VWC2L: variants seen among roughly 807,000 people sequenced by gnomAD.
VWC2L encodes von Willebrand factor C domain-containing protein 2-like.
A neutral mutation model predicts 21.6 loss-of-function variants in VWC2L; 10 were observed. The observed-to-expected ratio is 0.46, with a 90% CI of 0.29 to 0.78. The LOEUF is 0.78. Among genes scored for constraint, VWC2L ranks in the 30% least tolerant of loss-of-function variants. VWC2L has a pLI of 0.10. For synonymous variants in VWC2L, 96 were observed against 94.3 expected, an observed-to-expected ratio of 1.02 and a Z score of -0.10; for missense variants, 209 against 277.1, an observed-to-expected ratio of 0.75 and a Z score of 1.74.
At chr2:214,441,657 C>T (rs922767746) in intron 3 of VWC2L, among the ~76,000 whole-genome samples, 7 of 151,862 alleles carry the variant, frequency 4.6e-5, no homozygotes, top group Admixed American at 2.0e-4. Context: ...AAATTTTCAC[C>T]CCATTTTGAG....
At chr2:214,487,085 A>G (rs1328313676) in intron 3 of VWC2L, among the ~76,000 whole-genome samples, 1 of 152,238 alleles carries the variant, frequency 6.6e-6, no homozygotes, top group Non-Finnish European at 1.5e-5. Flanking sequence ...AATGTCTTCC[A>G]TGTGAAGACA....
intron 3 of VWC2L, among the ~76,000 whole-genome samples, chr2:214,490,168 A>G (rs760345169): frequency 3.9e-5 from 6 of 152,196 alleles, no homozygotes; most frequent in Non-Finnish European, 5.9e-5. Context: ...GATGCAGCCA[A>G]GCTCCAAGAA....
intron 3 of VWC2L, among the ~76,000 whole-genome samples, chr2:214,463,954 T>G (rs1703180035): frequency 6.6e-6 from 1 of 152,110 alleles, no homozygotes; most frequent in Admixed American, 6.5e-5. Flanking sequence ...CATTCTTCAA[T>G]ATGTCAGTTG....
chr2:214,451,711 T>C (rs944728932), intron 3 of VWC2L, among the ~76,000 whole-genome samples: 33 of 152,180 alleles, frequency 2.2e-4, no homozygotes, highest in African/African-American at 8.0e-4. Flanking sequence ...AGATGAATAA[T>C]GGTTGCTAAT....
chr2:214,560,830 A>C (rs936660729), intron 3 of VWC2L, among the ~76,000 whole-genome samples: 24 of 152,206 alleles, frequency 1.6e-4, no homozygotes, highest in African/African-American at 5.8e-4. Flanking sequence ...TCAAAGAAAC[A>C]CAATAATGAC....
intron 3 of VWC2L, among the ~76,000 whole-genome samples, chr2:214,527,766 A>G (rs1689367013): frequency 1.3e-5 from 2 of 152,162 alleles, no homozygotes. Flanking sequence ...TTATTGCCTC[A>G]AAGTACCAAT....
rs76905796 is a variant in VWC2L at position 214,469,866 on chromosome 2, C to T, written c.520+33108C>T. 6.7e-3 allele frequency among the ~76,000 whole-genome samples: 1,015 copies of T among 152,104 alleles called. 9 individuals carry two copies. Among genetic ancestry groups the T allele is most frequent in the African/African-American group, 0.023 (967 of 41,496 alleles). On this transcript the variant is annotated intron_variant, in intron 3 of 3. Coordinates refer to ENST00000312504, the MANE Select transcript of VWC2L (RefSeq NM_001080500.4). Reference sequence around the variant, plus strand: ...AATCTTGGCTGTATGAATGAATACTCGTGATATGATTTTTCTTTATGGCAT... The same window carrying T: ...AATCTTGGCTGTATGAATGAATACTTGTGATATGATTTTTCTTTATGGCAT...
At chr2:214,478,733 A>C (rs1043269383) in intron 3 of VWC2L, among the ~76,000 whole-genome samples, 1 of 151,884 alleles carries the variant, frequency 6.6e-6, no homozygotes, top group African/African-American at 2.4e-5. Flanking sequence ...TGCCTTAAAT[A>C]CTCAATCCCC....
At chr2:214,433,796 A>G (rs1199698103) in intron 2 of VWC2L, among the ~76,000 whole-genome samples, 1 of 152,178 alleles carries the variant, frequency 6.6e-6, no homozygotes, top group African/African-American at 2.4e-5. Context: ...GAGGACAACA[A>G]TAGTGCCGGA....
At chr2:214,487,637 A>G (rs1688688729) in intron 3 of VWC2L, among the ~76,000 whole-genome samples, 1 of 152,154 alleles carries the variant, frequency 6.6e-6, no homozygotes. Context: ...GCCAAAGACA[A>G]TGGGCCTTCC....
At chr2:214,559,107 C>A (rs988045890) in intron 3 of VWC2L, among the ~76,000 whole-genome samples, 1 of 149,510 alleles carries the variant, frequency 6.7e-6, no homozygotes, top group Non-Finnish European at 1.5e-5. Context: ...GGGCTAATAT[C>A]CAGAATCTAC....
intron 3 of VWC2L, among the ~76,000 whole-genome samples, chr2:214,552,987 G>A (rs1689817951): frequency 6.6e-6 from 1 of 152,036 alleles, no homozygotes; most frequent in Non-Finnish European, 1.5e-5. Flanking sequence ...AAGAAACATG[G>A]GCACCATCTT....
intron 3 of VWC2L, among the ~76,000 whole-genome samples, chr2:214,442,712 T>G (rs1331977345): frequency 1.3e-5 from 2 of 152,012 alleles, no homozygotes; most frequent in Non-Finnish European, 2.9e-5. Context: ...TTATTGAAAT[T>G]TTTCTAGAGA....
At chr2:214,501,653 C>T (rs980595412) in intron 3 of VWC2L, among the ~76,000 whole-genome samples, 13 of 135,170 alleles carry the variant, frequency 9.6e-5, no homozygotes, top group East Asian at 4.6e-4. Flanking sequence ...ACCTGGAAGG[C>T]GGAGGTTGCC....
At chr2:214,448,438 G>A (rs1702904911) in intron 3 of VWC2L, among the ~76,000 whole-genome samples, 1 of 152,138 alleles carries the variant, frequency 6.6e-6, no homozygotes, top group Admixed American at 6.5e-5. Context: ...TGGGAAGGAA[G>A]GTGCTTCTCA....
At chr2:214,413,029 C>T (rs11888370) in intron 1 of VWC2L, among the ~76,000 whole-genome samples, 6 of 152,058 alleles carry the variant, frequency 3.9e-5, no homozygotes, top group African/African-American at 1.4e-4. Context: ...AGCCCACTCC[C>T]AACACTTCAC....
In VWC2L at chr2:214,578,365, CT is replaced by C. The variant is rs1553602974; in HGVS notation, c.*2546del. ...TGAATGGGACATCCATTAAGGATCT[CT>C]CTTCAGAGAGTTTGCAGAAAGCAGG... On this transcript the variant is annotated 3_prime_UTR_variant, in exon 4 of 4. Coordinates refer to ENST00000312504, the MANE Select transcript of VWC2L (RefSeq NM_001080500.4). 2 of 152,208 alleles carry C rather than the reference CT, an allele frequency of 1.3e-5. No homozygotes were observed. The highest frequency in any genetic ancestry group is 2.9e-5 in the Non-Finnish European group (2 of 68,034). 9.4% of individuals were successfully genotyped at this position (152,208 alleles called of 1,614,324 possible). A position where few individuals can be genotyped will look rare whatever the true frequency, so the allele number is the denominator to read the frequency against.
At chr2:214,433,970 C>A (rs1206778485) in intron 2 of VWC2L, among the ~76,000 whole-genome samples, 1 of 151,964 alleles carries the variant, frequency 6.6e-6, no homozygotes, top group Admixed American at 6.6e-5. Flanking sequence ...AGAGACAGAC[C>A]ATTTGTAAAA....
chr2:214,492,913 C>G (rs551403844), intron 3 of VWC2L, among the ~76,000 whole-genome samples: 144 of 152,284 alleles, frequency 9.5e-4, no homozygotes, highest in African/African-American at 3.3e-3. Flanking sequence ...TTTGCTCACT[C>G]AGGGAGCTCA....
Sources: gnomAD v4.1 joint callset for allele counts (sites outside exome capture counted in the v4.1 genomes callset) on GRCh38, gnomAD v4.1.1 for gene constraint, MANE v1.5 for transcripts, NCBI Gene and HGNC (gene_info 2026-07-23, HGNC 2026-07-21) for gene names.